Variants in ZBBX observed in about 807,000 individuals in gnomAD.
The protein encoded by ZBBX is zinc finger B-box domain containing, also known as zinc finger B-box domain-containing protein 1.
Under a neutral mutation model 108.5 loss-of-function variants are expected in ZBBX, and 101 were observed. That is an observed-to-expected ratio of 0.93 (90% CI 0.79 to 1.10). The LOEUF (loss-of-function observed/expected upper bound fraction) is 1.10, where lower values mean the gene tolerates loss of function less well. Ranked by LOEUF, ZBBX falls within the 50% of genes least tolerant of loss-of-function variation. ZBBX has a pLI of 0.00. For missense variants in ZBBX, 1,009 were observed against 941.4 expected (o/e 1.07, Z -0.94); for synonymous variants, 356 against 323.4 (o/e 1.10, Z -1.08).
the ZBBX span, among the ~76,000 whole-genome samples, chr3:167,199,354 G>A: frequency 3.1e-4 from 47 of 152,194 alleles, no homozygotes; most frequent in African/African-American, 1.1e-3. Flanking sequence ...CAGCATCTGG[G>A]GAATACTTTA....
Position 167,315,887 on chromosome 3 carries a change from A to G in ZBBX, c.1195-58T>C, listed in dbSNP as rs73879661. 4,759 of 1,080,132 alleles carry G rather than the reference A, an allele frequency of 4.4e-3. 134 individuals carry two copies. In the African/African-American group the frequency reaches 0.063, roughly 14 times the overall value. 66.9% of individuals were successfully genotyped at this position (1,080,132 alleles called of 1,614,324 possible). On this transcript the variant is annotated intron_variant, in intron 14 of 21. Coordinates refer to ENST00000675490, the MANE Select transcript of ZBBX (RefSeq NM_001199201.2). Reference sequence around the variant, plus strand: ...GTTCATAAAAATTTATTACACATTAACCAACTTACTTATGGGTGATATTTG... The same window carrying G: ...GTTCATAAAAATTTATTACACATTAGCCAACTTACTTATGGGTGATATTTG...
chr3:167,340,123 G>T (rs776484049), intron 9 of ZBBX, among the ~76,000 whole-genome samples: 1 of 152,010 alleles, frequency 6.6e-6, no homozygotes, highest in African/African-American at 2.4e-5. Flanking sequence ...ATTTTGCCAG[G>T]ATATTTCTAT....
intron 20 of ZBBX, among the ~76,000 whole-genome samples, chr3:167,280,357 G>A (rs961599343): frequency 1.3e-5 from 2 of 151,004 alleles, no homozygotes; most frequent in Non-Finnish European, 2.9e-5. Flanking sequence ...CTACTCATCT[G>A]ACAAAGGGCT....
chr3:167,221,727 C>T, the ZBBX span, among the ~76,000 whole-genome samples: 1 of 151,226 alleles, frequency 6.6e-6, no homozygotes, highest in Non-Finnish European at 1.5e-5. Context: ...AAGTAAAAAG[C>T]CAACCTAAAA....
the ZBBX span, among the ~76,000 whole-genome samples, chr3:167,205,353 G>A: frequency 2.6e-5 from 4 of 152,018 alleles, no homozygotes; most frequent in Admixed American, 2.6e-4. Context: ...AGGCCAGCAT[G>A]AGAATGTAAG....
intron 6 of ZBBX, among the ~76,000 whole-genome samples, chr3:167,365,417 A>G (rs1241514330): frequency 6.6e-6 from 1 of 151,774 alleles, no homozygotes; most frequent in Non-Finnish European, 1.5e-5. Flanking sequence ...TGGGAAACTG[A>G]AAAGTATTTT....
intron 2 of ZBBX, among the ~76,000 whole-genome samples, chr3:167,378,537 C>T (rs1747314718): frequency 6.6e-6 from 1 of 152,086 alleles, no homozygotes; most frequent in Non-Finnish European, 1.5e-5. Context: ...ATCCTCTCCC[C>T]CTCTAATTTG....
intron 16 of ZBBX, among the ~76,000 whole-genome samples, chr3:167,311,376 A>G (rs557910753): frequency 1.1e-4 from 17 of 152,284 alleles, no homozygotes; most frequent in African/African-American, 3.6e-4. Flanking sequence ...AGGATAAAAC[A>G]TAGATGACAC....
At chr3:167,204,436 C>T in the ZBBX span, among the ~76,000 whole-genome samples, 1 of 145,120 alleles carries the variant, frequency 6.9e-6, no homozygotes, top group Non-Finnish European at 1.5e-5. Context: ...ATTCCCCTTC[C>T]TGTGTCCATG....
chr3:167,352,721 C>CA (rs61596269), intron 8 of ZBBX, among the ~76,000 whole-genome samples: 12,535 of 129,964 alleles, frequency 0.096, 1,382 homozygotes, highest in African/African-American at 0.28. Context: ...CAAAAATTCT[C>CA]AAAAAAAAAA....
At chr3:167,331,494 G>A in intron 10 of ZBBX, 1 of 919,014 alleles carries the variant, frequency 1.1e-6, no homozygotes, top group Admixed American at 6.2e-5. Flanking sequence ...AGCCCTCCAG[G>A]GAAGCTTCCT....
intron 9 of ZBBX, among the ~76,000 whole-genome samples, chr3:167,347,949 T>C (rs1378371205): frequency 6.6e-6 from 1 of 152,030 alleles, no homozygotes; most frequent in Non-Finnish European, 1.5e-5. Flanking sequence ...TTTAAAAGAA[T>C]CATAGTTCCT....
the ZBBX span, among the ~76,000 whole-genome samples, chr3:167,180,437 T>G: frequency 1.3e-5 from 2 of 152,220 alleles, no homozygotes; most frequent in South Asian, 4.1e-4. Flanking sequence ...TTTACTAACA[T>G]TCCTAAGTAG....
At chr3:167,360,160 TTATA>T (rs1228994049) in intron 7 of ZBBX, among the ~76,000 whole-genome samples, 181 bp from the exon 8 acceptor site, 2 of 148,070 alleles carry the variant, frequency 1.4e-5, no homozygotes, top group African/African-American at 2.4e-5. Flanking sequence ...TAAATATATA[TTATA>T]TATATTTCTG....
upstream of ZBBX, among the ~76,000 whole-genome samples, chr3:167,380,866 GCACA>G (rs59349359): frequency 0.13 from 19,062 of 141,364 alleles, 1,314 homozygotes; most frequent in African/African-American, 0.21. Context: ...GCAAATATAT[GCACA>G]CACACACACA....
intron 20 of ZBBX, among the ~76,000 whole-genome samples, chr3:167,278,934 G>C (rs1396129675): frequency 6.6e-6 from 1 of 152,084 alleles, no homozygotes; most frequent in Non-Finnish European, 1.5e-5. Context: ...TGGGATGCAA[G>C]GCTGGTTCAA....
At chr3:167,303,794 T>C (rs1350664020) in intron 17 of ZBBX, among the ~76,000 whole-genome samples, 1 of 152,214 alleles carries the variant, frequency 6.6e-6, no homozygotes, top group East Asian at 1.9e-4. Context: ...TTATCTGTTG[T>C]CTTTTATTGC....
the ZBBX span, among the ~76,000 whole-genome samples, chr3:167,204,321 A>T: frequency 2.1e-5 from 3 of 140,386 alleles, no homozygotes; most frequent in Non-Finnish European, 4.5e-5. Flanking sequence ...TACATGTGCC[A>T]TGCTGGTGCG....
At chr3:167,253,467 A>G (rs970978804) in intron 20 of ZBBX, among the ~76,000 whole-genome samples, 5 of 152,166 alleles carry the variant, frequency 3.3e-5, no homozygotes, top group African/African-American at 1.2e-4. Flanking sequence ...GACAGCACAC[A>G]GGAAAACAGG....
Sources: allele counts gnomAD v4.1 joint callset (sites outside exome capture counted in the v4.1 genomes callset), GRCh38; gene constraint gnomAD v4.1.1; transcripts MANE v1.5; gene names NCBI Gene and HGNC (gene_info 2026-07-23, HGNC 2026-07-21).